Variants in NFIA observed in about 807,000 individuals in gnomAD.
NFIA encodes nuclear factor I A.
A neutral mutation model predicts 62.8 loss-of-function variants in NFIA; 8 were observed. The observed-to-expected ratio is 0.13, with a 90% CI of 0.07 to 0.23. The LOEUF (loss-of-function observed/expected upper bound fraction) is 0.23. NFIA is among the 10% of genes least tolerant of loss of function. The pLI is 1.00. For missense variants in NFIA, 410 were observed against 642.1 expected, an observed-to-expected ratio of 0.64 and a Z score of 3.91; for synonymous variants, 235 against 238.1, an observed-to-expected ratio of 0.99 and a Z score of 0.12.
chr1:61,144,659 G>A (rs1647797854), intron 2 of NFIA, among the ~76,000 whole-genome samples: 1 of 152,142 alleles, frequency 6.6e-6, no homozygotes, highest in Non-Finnish European at 1.5e-5. Flanking sequence ...GACAGTAATA[G>A]GACCATACCT....
chr1:61,165,963 T>G (rs1007025454), intron 2 of NFIA, among the ~76,000 whole-genome samples: 1 of 152,176 alleles, frequency 6.6e-6, no homozygotes, highest in Non-Finnish European at 1.5e-5. Flanking sequence ...AAGGCAAAAC[T>G]GTTTTATTAG....
chr1:61,372,536 A>C (rs910130918), intron 6 of NFIA, among the ~76,000 whole-genome samples: 2 of 151,670 alleles, frequency 1.3e-5, no homozygotes, highest in Non-Finnish European at 2.9e-5. Context: ...TAGAAGTGCA[A>C]CTTTACACAG....
In NFIA at chr1:61,224,817, G is replaced by GATGTT. The variant is rs1476258578; in HGVS notation, c.560-52702_560-52698dup. ...TGGAGCTATTCCAAGTTGGCAAAGGGATGTTCTAATAAAGCTCTTAAGTGG... is the reference window on the plus strand; with the variant it reads ...TGGAGCTATTCCAAGTTGGCAAAGGGATGTTATGTTCTAATAAAGCTCTTAAGTGG... On this transcript the variant is annotated intron_variant, in intron 2 of 10. Transcript: ENST00000403491. 2.0e-5 allele frequency among the ~76,000 whole-genome samples: 3 copies of GATGTT among 152,274 alleles called. No individual in the cohort carries two copies. In the South Asian group the frequency reaches 6.2e-4, roughly 32 times the overall value.
chr1:61,430,474 T>C (rs1203551900), intron 10 of NFIA, among the ~76,000 whole-genome samples: 1 of 152,232 alleles, frequency 6.6e-6, no homozygotes, highest in East Asian at 1.9e-4. Flanking sequence ...TCATATTATA[T>C]ACGCTGTTTG....
chr1:61,142,903 C>G (rs992576563), intron 2 of NFIA, among the ~76,000 whole-genome samples: 2 of 152,158 alleles, frequency 1.3e-5, no homozygotes, highest in African/African-American at 4.8e-5. Flanking sequence ...AGTGCAGCCT[C>G]TCTTCTGATG....
At chr1:61,248,939 A>G (rs1221714911) in intron 2 of NFIA, 3 of 152,250 alleles carry the variant, frequency 2.0e-5, no homozygotes, top group Non-Finnish European at 4.4e-5. Flanking sequence ...TATTATTAGA[A>G]GAACATGCAT....
chr1:61,359,236 G>A lies in NFIA; in HGVS notation c.908G>A (p.Ser303Asn). Residue 303 changes from serine (S) to asparagine (N), a missense_variant, in exon 6 of 11, where the codon AGT becomes AAT. By Grantham distance (46) the Ser-to-Asn change is conservative. Around this residue, in one of 3 missense-constraint regions of NFIA, gnomAD observed 298 missense variants for 438.1 expected, o/e 0.68. Transcript: ENST00000403491. The stretch of plus-strand genomic sequence containing the variant: ...ACAGGCCAAGGGCGCTCCCCAGGAA[G>A]TGGCAGTCAGTCAAGTGGATGGCAT... ...FYTGQGRSPGSGSQSSGWHEV... is the reference protein window; with the variant it reads ...FYTGQGRSPGNGSQSSGWHEV... 1.2e-6 allele frequency: 2 copies of A among 1,612,776 alleles called. No individual in the cohort carries two copies. The highest frequency in any genetic ancestry group is 2.2e-5 in the South Asian group (2 of 91,024).
chr1:61,416,967 T>C (rs1487898316), intron 9 of NFIA, among the ~76,000 whole-genome samples: 1 of 151,914 alleles, frequency 6.6e-6, no homozygotes. Flanking sequence ...TACATTGAAA[T>C]AGATGAAAAA....
intron 3 of NFIA, among the ~76,000 whole-genome samples, chr1:61,328,444 G>A (rs115056325): frequency 0.015 from 2,192 of 150,138 alleles, 49 homozygotes; most frequent in African/African-American, 0.051. Flanking sequence ...TTTTCGAGAC[G>A]GAATTTCGCT....
chr1:61,125,941 G>A (rs1348878835), intron 2 of NFIA, among the ~76,000 whole-genome samples: 1 of 152,098 alleles, frequency 6.6e-6, no homozygotes, highest in Non-Finnish European at 1.5e-5. Flanking sequence ...GGAAGGTAGG[G>A]GTGGGGATGA....
chr1:61,120,115 A>G (rs1002267577), intron 2 of NFIA, among the ~76,000 whole-genome samples: 3 of 152,154 alleles, frequency 2.0e-5, no homozygotes, highest in African/African-American at 7.2e-5. Flanking sequence ...ACCAGATTTC[A>G]TTGGTTTAAA....
intron 2 of NFIA, among the ~76,000 whole-genome samples, chr1:61,264,097 A>C (rs1225512987): frequency 6.6e-6 from 1 of 152,198 alleles, no homozygotes; most frequent in African/African-American, 2.4e-5. Context: ...TGCACACAGT[A>C]GGTGATAACA....
upstream of NFIA, among the ~76,000 whole-genome samples, chr1:61,079,742 T>C (rs181336887): frequency 6.6e-6 from 1 of 152,318 alleles, no homozygotes; most frequent in East Asian, 1.9e-4. Flanking sequence ...CCATCCCTGC[T>C]CTCTCTCAAG....
At chr1:61,196,355 A>G (rs968177599) in intron 2 of NFIA, among the ~76,000 whole-genome samples, 2 of 152,148 alleles carry the variant, frequency 1.3e-5, no homozygotes, top group African/African-American at 4.8e-5. Context: ...ATGGCTATGG[A>G]GCTCCTAATT....
At chr1:61,354,254 G>T (rs773534256) in intron 5 of NFIA, among the ~76,000 whole-genome samples, 1 of 152,110 alleles carries the variant, frequency 6.6e-6, no homozygotes, top group Non-Finnish European at 1.5e-5. Context: ...TAATAACCCG[G>T]TAATATGTTT....
rs767699098 is a variant in NFIA, at chr1:61,404,126, G to A, written c.1098G>A (p.Ser366=). Residue 366 remains serine, a synonymous_variant, in exon 8 of 11, where the codon TCG becomes TCA. Coordinates refer to ENST00000403491, the MANE Select transcript of NFIA (RefSeq NM_001134673.4). ...CAGCAAGTCCGCATGCAACACCATC[G>A]ACTCTTCATTTCCCGACATCACCCA... ...GPRASPHATP[S]TLHFPTSPII... is the part of the protein sequence containing the mutation. 15 of 1,613,890 alleles carry A rather than the reference G, an allele frequency of 9.3e-6. No individual in the cohort carries two copies. Among genetic ancestry groups the A allele is most frequent in the South Asian group, 5.5e-5 (5 of 91,058 alleles).
intron 2 of NFIA, among the ~76,000 whole-genome samples, chr1:61,217,413 T>C (rs1374200707): frequency 1.3e-5 from 2 of 152,178 alleles, no homozygotes. Context: ...ACTCTATTAA[T>C]GTACATAATT....
At chr1:61,394,265 C>G (rs1665155467) in intron 7 of NFIA, among the ~76,000 whole-genome samples, 1 of 152,238 alleles carries the variant, frequency 6.6e-6, no homozygotes, top group South Asian at 2.1e-4. Context: ...CCTCTGCCTT[C>G]CATGTTCAAG....
At chr1:61,081,928 AAAG>A (rs1557549844), upstream of NFIA, 3 of 1,549,910 alleles carry the variant, frequency 1.9e-6, no homozygotes, top group Middle Eastern at 1.7e-4. Flanking sequence ...CTGATTTTTC[AAAG>A]AAATTTGCAT....
Sources: allele counts gnomAD v4.1 joint callset (sites outside exome capture counted in the v4.1 genomes callset), GRCh38; gene constraint gnomAD v4.1.1; regional missense constraint gnomAD v4.1.1; transcripts MANE v1.5; gene names NCBI Gene and HGNC (gene_info 2026-07-23, HGNC 2026-07-21).